The following VOPP1 variants were observed in gnomAD, a reference collection of about 807,000 sequenced individuals.
VOPP1 encodes WW domain binding protein VOPP1.
Under a neutral mutation model 23.5 loss-of-function variants are expected in VOPP1, and 8 were observed. That is an observed-to-expected ratio of 0.34 (90% CI 0.20 to 0.61). The LOEUF (loss-of-function observed/expected upper bound fraction) is 0.61, where lower values mean the gene tolerates loss of function less well. Ranked by LOEUF, VOPP1 falls within the 20% of genes least tolerant of loss-of-function variation. The pLI is 0.78. For missense variants in VOPP1, 174 were observed against 238.1 expected (o/e 0.73, Z 1.77); for synonymous variants, 83 against 97.3 (o/e 0.85, Z 0.86).
At chr7:55,480,086 T>C (rs760995459) in intron 4 of VOPP1, among the ~76,000 whole-genome samples, 3 of 152,256 alleles carry the variant, frequency 2.0e-5, no homozygotes, top group Non-Finnish European at 2.9e-5. Context: ...TGATTCGATA[T>C]AATTTTATTT....
At chr7:55,476,528 G>C (rs1792271774) in intron 4 of VOPP1, among the ~76,000 whole-genome samples, 1 of 152,120 alleles carries the variant, frequency 6.6e-6, no homozygotes, top group African/African-American at 2.4e-5. Flanking sequence ...AGAAGGAGAG[G>C]CAGCTGACAG....
At chr7:55,520,479 C>T (rs957145887) in intron 2 of VOPP1, among the ~76,000 whole-genome samples, 2 of 152,086 alleles carry the variant, frequency 1.3e-5, no homozygotes, top group African/African-American at 2.4e-5. Flanking sequence ...TACAAACACA[C>T]GAAAACGACA....
At chr7:55,508,381 C>A (rs536832911) in intron 2 of VOPP1, among the ~76,000 whole-genome samples, 11 of 152,348 alleles carry the variant, frequency 7.2e-5, no homozygotes, top group African/African-American at 2.4e-4. Context: ...GATCCCTTCA[C>A]ATCAGCCTCC....
intron 1 of VOPP1, among the ~76,000 whole-genome samples, chr7:55,554,965 A>G (rs1797752843): frequency 6.6e-6 from 1 of 152,218 alleles, no homozygotes; most frequent in South Asian, 2.1e-4. Context: ...GGAGAAGGAA[A>G]GCTTCCAAGG....
At chr7:55,455,139 T>C (rs910005832) in intron 4 of VOPP1, among the ~76,000 whole-genome samples, 3 of 151,976 alleles carry the variant, frequency 2.0e-5, no homozygotes, top group African/African-American at 7.3e-5. Context: ...CACGCAAAAA[T>C]CACAAGCATT....
At chr7:55,552,967 C>G (rs777546921) in intron 1 of VOPP1, 7 of 502,996 alleles carry the variant, frequency 1.4e-5, no homozygotes, top group Non-Finnish European at 2.2e-5. Context: ...AAAAGACATG[C>G]AACCGAAATC....
intron 4 of VOPP1, among the ~76,000 whole-genome samples, chr7:55,454,043 G>T (rs1172813906): frequency 2.0e-5 from 3 of 151,940 alleles, no homozygotes; most frequent in African/African-American, 4.8e-5. Context: ...TTAAAATTTT[G>T]TTAATAGACA....
At chr7:55,571,478 T>A (rs1042317626) in intron 1 of VOPP1, among the ~76,000 whole-genome samples, 4 of 152,242 alleles carry the variant, frequency 2.6e-5, no homozygotes, top group Non-Finnish European at 5.9e-5. Flanking sequence ...CAAGCCCTGA[T>A]TCAGACTGGA....
At chr7:55,437,409 G>A (rs900012985) in intron 4 of VOPP1, among the ~76,000 whole-genome samples, 2 of 152,214 alleles carry the variant, frequency 1.3e-5, no homozygotes, top group African/African-American at 4.8e-5. Context: ...AAGGATTCTC[G>A]ACTGGTTATC....
chr7:55,497,542 T>C, intron 3 of VOPP1, 71 bp downstream of exon 3: 1 of 1,325,320 alleles, frequency 7.5e-7, no homozygotes, highest in South Asian at 1.2e-5. Context: ...TCCAAGGCTG[T>C]GACAACACTG....
At chr7:55,443,682 T>C (rs1056874324) in intron 4 of VOPP1, among the ~76,000 whole-genome samples, 1 of 147,840 alleles carries the variant, frequency 6.8e-6, no homozygotes, top group Non-Finnish European at 1.5e-5. Context: ...TTTGCTCTTA[T>C]CACCCAGGCT....
intron 3 of VOPP1, among the ~76,000 whole-genome samples, chr7:55,496,587 G>A (rs545578231): frequency 1.3e-5 from 2 of 152,232 alleles, no homozygotes; most frequent in Non-Finnish European, 2.9e-5. Context: ...GTCAGGTGAG[G>A]CCAAGGAGGT....
intron 4 of VOPP1, among the ~76,000 whole-genome samples, chr7:55,455,608 T>C (rs757694225): frequency 6.6e-6 from 1 of 152,070 alleles, no homozygotes; most frequent in Non-Finnish European, 1.5e-5. Context: ...AACAGATATA[T>C]AGACAAATGG....
chr7:55,441,590 A>AT (rs1184177476), intron 4 of VOPP1, among the ~76,000 whole-genome samples: 1 of 148,576 alleles, frequency 6.7e-6, no homozygotes, highest in East Asian at 1.9e-4. Context: ...TGTTCAATAC[A>AT]TGCCACTTTT....
At chr7:55,515,979 C>T in intron 2 of VOPP1, 4 of 985,504 alleles carry the variant, frequency 4.1e-6, no homozygotes, top group South Asian at 4.7e-5. Context: ...CACACGGTGG[C>T]CCCTGTTTCA....
chr7:55,442,980 G>C (rs535834951), intron 4 of VOPP1, among the ~76,000 whole-genome samples: 4 of 152,032 alleles, frequency 2.6e-5, no homozygotes, highest in Non-Finnish European at 5.9e-5. Flanking sequence ...TTAGCCAGGC[G>C]TGGTGGCAGG....
intron 2 of VOPP1, among the ~76,000 whole-genome samples, chr7:55,504,625 C>A (rs1434985484): frequency 6.6e-6 from 1 of 152,234 alleles, no homozygotes; most frequent in African/African-American, 2.4e-5. Flanking sequence ...GGCCCCAGGG[C>A]AAGTGCCTTC....
chr7:55,559,416 G>A (rs914132849), intron 1 of VOPP1, among the ~76,000 whole-genome samples: 2 of 151,816 alleles, frequency 1.3e-5, no homozygotes, highest in African/African-American at 4.8e-5. Context: ...CCATTGGGCC[G>A]ACCAACAGGC....
intron 4 of VOPP1, among the ~76,000 whole-genome samples, chr7:55,450,964 G>A (rs961971991): frequency 1.2e-4 from 19 of 152,228 alleles, no homozygotes; most frequent in African/African-American, 4.6e-4. Flanking sequence ...AAGCCACGTT[G>A]CTCCTCCTTC....
Sources: gnomAD v4.1 joint callset for allele counts (sites outside exome capture counted in the v4.1 genomes callset) on GRCh38, gnomAD v4.1.1 for gene constraint, MANE v1.5 for transcripts, NCBI Gene and HGNC (gene_info 2026-07-23, HGNC 2026-07-21) for gene names.